UBE2F: variants seen among roughly 807,000 people sequenced by gnomAD.
UBE2F encodes ubiquitin conjugating enzyme E2 F (putative).
A neutral mutation model predicts 29.6 loss-of-function variants in UBE2F; 5 were observed. That is an observed-to-expected ratio of 0.17 (90% CI 0.09 to 0.36). The LOEUF (loss-of-function observed/expected upper bound fraction) is 0.36. UBE2F is among the 10% of genes least tolerant of loss of function. The pLI, the probability that UBE2F is intolerant of heterozygous loss-of-function variation, is 1.00. For missense variants in UBE2F, 141 were observed against 228.5 expected (o/e 0.62, Z 2.47); for synonymous variants, 66 against 81.8 (o/e 0.81, Z 1.04).
At chr2:238,019,701 C>T (rs1386508404) in intron 5 of UBE2F, among the ~76,000 whole-genome samples, 1 of 123,706 alleles carries the variant, frequency 8.1e-6, no homozygotes, top group Non-Finnish European at 1.6e-5. Context: ...CTCTTGTCAC[C>T]CAGGCTGGAG....
At chr2:238,019,370 C>T (rs943670170) in intron 5 of UBE2F, among the ~76,000 whole-genome samples, 1 of 152,138 alleles carries the variant, frequency 6.6e-6, no homozygotes, top group Non-Finnish European at 1.5e-5. Context: ...CCAGCGTTTC[C>T]TTCCTGTCCC....
At chr2:238,025,518 G>T in intron 6 of UBE2F, 106 bp downstream of exon 6, 1 of 1,042,414 alleles carries the variant, frequency 9.6e-7, no homozygotes, top group Non-Finnish European at 1.4e-6. Flanking sequence ...GCATGGCCAA[G>T]ATTAGGAAGG....
chr2:238,030,680 TC>T lies in UBE2F; in HGVS notation c.411+70del, dbSNP rs140917222. 3,022 of 1,246,394 alleles carry T rather than the reference TC, an allele frequency of 2.4e-3. 71 individuals carry two copies. In the African/African-American group the frequency reaches 0.04, roughly 17 times the overall value. The allele number at this position is 1,246,394 out of a possible 1,614,324, so 77.2% of individuals were successfully genotyped here. On this transcript the variant is annotated intron_variant, in intron 7 of 9. Transcript: ENST00000272930. ...GGTCCTCTCCCTGCAGTAGCCAGCC[TC>T]CCGAGAAAGCAGCACATGTCCTTGC...
At chr2:238,022,932 A>G (rs1432118682) in intron 5 of UBE2F, among the ~76,000 whole-genome samples, 1 of 152,226 alleles carries the variant, frequency 6.6e-6, no homozygotes, top group Non-Finnish European at 1.5e-5. Context: ...CTGGAACCAC[A>G]GTTAAGAGGA....
At chr2:237,997,856 T>G (rs1463794462) in intron 4 of UBE2F, among the ~76,000 whole-genome samples, 1 of 152,168 alleles carries the variant, frequency 6.6e-6, no homozygotes, top group African/African-American at 2.4e-5. Context: ...AGGGACCGAA[T>G]TTAGAAAAAA....
At chr2:238,005,605 G>GT (rs34941196) in intron 4 of UBE2F, among the ~76,000 whole-genome samples, 68,628 of 149,036 alleles carry the variant, frequency 0.46, 16,366 homozygotes, top group African/African-American at 0.58. Context: ...TAGTTTTCTG[G>GT]TTTTTTTTTT....
intron 5 of UBE2F, among the ~76,000 whole-genome samples, chr2:238,025,097 T>A (rs919570501): frequency 2.0e-5 from 3 of 152,048 alleles, no homozygotes; most frequent in Non-Finnish European, 4.4e-5. Flanking sequence ...TGTAGAGAGG[T>A]GCTCAGAAGC....
intron 2 of UBE2F, among the ~76,000 whole-genome samples, chr2:237,977,657 G>A (rs1049013584): frequency 2.6e-5 from 4 of 152,126 alleles, no homozygotes; most frequent in Admixed American, 6.5e-5. Context: ...GTGGTGCTGT[G>A]GAGGCTGCTG....
In UBE2F at chr2:238,042,122, G is replaced by A. The variant is rs1261490766; in HGVS notation, c.*784G>A. The stretch of plus-strand genomic sequence containing the variant: ...AAAATCAGCTCTTGCTTTCGGGTCC[G>A]GATGTGGTGAGCACATTTTGGAGCC... On this transcript the variant is annotated 3_prime_UTR_variant, in exon 10 of 10. Coordinates refer to ENST00000272930, the MANE Select transcript of UBE2F (RefSeq NM_080678.3). 1 of 152,242 alleles carries A rather than the reference G, an allele frequency of 6.6e-6. No individual in the cohort carries two copies. The allele number at this position is 152,242 out of a possible 1,614,324, so 9.4% of individuals were successfully genotyped here.
intron 5 of UBE2F, among the ~76,000 whole-genome samples, chr2:238,023,371 C>G (rs2064338864): frequency 6.6e-6 from 1 of 152,218 alleles, no homozygotes; most frequent in Non-Finnish European, 1.5e-5. Context: ...TCTTTGTCCT[C>G]AGACACATGG....
In UBE2F at chr2:237,986,851, A is replaced by G. The variant is rs180973152; in HGVS notation, c.119-1112A>G. Among the ~76,000 whole-genome samples, 41 of 152,104 alleles carry G rather than the reference A, an allele frequency of 2.7e-4. No individual in the cohort carries two copies. In the East Asian group the frequency reaches 6.0e-3, roughly 22 times the overall value. ...ATGCTTAGGTTTACTTCTGGATTCT[A>G]TTTTCTGTTCTGTGTGTCTGTTTTT... On this transcript the variant is annotated intron_variant, in intron 2 of 9. Transcript: ENST00000272930.
At chr2:237,989,674 A>G (rs2063543771) in intron 3 of UBE2F, among the ~76,000 whole-genome samples, 1 of 152,108 alleles carries the variant, frequency 6.6e-6, no homozygotes. Flanking sequence ...TTCAGCATAT[A>G]GAATTTATGG....
chr2:238,007,020 T>A (rs1428979425), intron 4 of UBE2F, among the ~76,000 whole-genome samples: 1 of 152,156 alleles, frequency 6.6e-6, no homozygotes. Flanking sequence ...CCTCCCAAAG[T>A]GCTGGGATTA....
At chr2:238,006,760 T>TTTTC (rs1553555878) in intron 4 of UBE2F, among the ~76,000 whole-genome samples, 2 of 3,044 alleles carry the variant, frequency 6.6e-4, no homozygotes, top group African/African-American at 5.7e-3. Context: ...TTCTTTTTTC[T>TTTTC]TTTTTTTTTT....
intron 5 of UBE2F, among the ~76,000 whole-genome samples, chr2:238,019,141 TCTGTGTG>T (rs1224754927): frequency 4.6e-5 from 7 of 152,168 alleles, no homozygotes; most frequent in Non-Finnish European, 1.0e-4. Context: ...TTTCTGAAGT[TCTGTGTG>T]CTGTGTTTGA....
intron 5 of UBE2F, 124 bp from the exon 6 acceptor site, chr2:238,025,218 C>T: frequency 1.2e-6 from 1 of 808,054 alleles, no homozygotes; most frequent in Non-Finnish European, 2.1e-6. Context: ...TTCAGCGAGT[C>T]AAACTGCACA....
chr2:237,996,151 T>C (rs1024804062), intron 4 of UBE2F, among the ~76,000 whole-genome samples: 1 of 152,250 alleles, frequency 6.6e-6, no homozygotes, highest in Admixed American at 6.5e-5. Flanking sequence ...GCTTTCTTGG[T>C]GACTCAAGGT....
At chr2:238,009,034 C>G (rs1243703064) in intron 4 of UBE2F, among the ~76,000 whole-genome samples, 1 of 152,180 alleles carries the variant, frequency 6.6e-6, no homozygotes, top group Non-Finnish European at 1.5e-5. Flanking sequence ...CTTAAGTTGA[C>G]AGTTTCAGCA....
Position 237,994,674 on chromosome 2 carries a change from C to T in UBE2F, c.149-70C>T, listed in dbSNP as rs1470262759. On this transcript the variant is annotated intron_variant, in intron 3 of 9. Transcript: ENST00000272930. The stretch of plus-strand genomic sequence containing the variant: ...TAGCACCGCTAACTTTACACGTGTT[C>T]AAAGGTTAGCGTCAACATATGGACT... The T allele has an allele frequency of 2.2e-5, 29 of 1,289,308 alleles. 1 individual carries two copies. Among genetic ancestry groups the T allele is most frequent in the Non-Finnish European group, 3.0e-5 (27 of 885,894 alleles). 79.9% of individuals were successfully genotyped at this position (1,289,308 alleles called of 1,614,324 possible).
Sources: gnomAD v4.1 joint callset for allele counts (sites outside exome capture counted in the v4.1 genomes callset) on GRCh38, gnomAD v4.1.1 for gene constraint, MANE v1.5 for transcripts, NCBI Gene and HGNC (gene_info 2026-07-23, HGNC 2026-07-21) for gene names.